Variants in EPHA6 observed in about 807,000 individuals in gnomAD.
EPHA6 encodes ephrin type-A receptor 6.
EPHA6 carries 50 observed loss-of-function variants against 112.0 expected under a neutral mutation model. The ratio of observed to expected loss-of-function variants is 0.45; its 90% CI spans 0.36 to 0.56. The LOEUF is 0.56. EPHA6 is among the 20% of genes least tolerant of loss of function. The pLI, the probability that EPHA6 is intolerant of heterozygous loss-of-function variation, is 0.00. For synonymous variants in EPHA6, 529 were observed against 490.7 expected (o/e 1.08, Z -1.03); for missense variants, 1,280 against 1,417.4 (o/e 0.90, Z 1.56).
Position 97,355,297 on chromosome 3 carries a change from AT to A in EPHA6, c.1607-49851del, listed in dbSNP as rs573633320. On this transcript the variant is annotated intron_variant, in intron 5 of 17. Transcript: ENST00000389672. ...AAAGATGAACCCATCAAATATAATA[AT>A]TACAAAAATTTGAAGACCTAGACAA... Among the ~76,000 whole-genome samples the A allele has an allele frequency of 2.6e-4, 39 of 152,314 alleles. No homozygotes were observed. The East Asian group carries it at 7.3e-3, about 29-fold the overall frequency.
At chr3:97,075,344 T>G (rs767601255) in intron 3 of EPHA6, among the ~76,000 whole-genome samples, 1 of 152,052 alleles carries the variant, frequency 6.6e-6, no homozygotes, top group Non-Finnish European at 1.5e-5. Flanking sequence ...TGTTCCAGAA[T>G]TTTTCCAATT....
intron 10 of EPHA6, among the ~76,000 whole-genome samples, chr3:97,509,137 T>A (rs972189631): frequency 1.3e-5 from 2 of 151,642 alleles, no homozygotes; most frequent in African/African-American, 4.8e-5. Flanking sequence ...GATTCTTTAT[T>A]CTGTTTGCCT....
intron 7 of EPHA6, among the ~76,000 whole-genome samples, chr3:97,458,067 CAAAAAAAAA>C (rs68128372): frequency 2.0e-5 from 1 of 50,576 alleles, no homozygotes; most frequent in African/African-American, 9.0e-5. Flanking sequence ...GACTCCGTCT[CAAAAAAAAA>C]AAAAAAAAAA....
Position 96,989,614 on chromosome 3 carries a change from A to T in EPHA6, c.1114+1621A>T, listed in dbSNP as rs79971162. Among the ~76,000 whole-genome samples, 3 of 152,270 alleles carry T rather than the reference A, an allele frequency of 2.0e-5. No individual in the cohort carries two copies. In the East Asian group the frequency reaches 5.8e-4, roughly 29 times the overall value. ...TGAAGGAAAGAGTTTTAAATGGCTC[A>T]CACTTCCACAGGCTTAACAGGAAGC... On this transcript the variant is annotated intron_variant, in intron 3 of 17. Transcript: ENST00000389672.
rs6791804 is a variant in EPHA6, at chr3:97,629,523, C to A, written c.2575-8350C>A. On this transcript the variant is annotated intron_variant, in intron 13 of 17. Transcript: ENST00000389672. ...CTTTAAACACTGTATTAACTGATAC[C>A]ATGAAATTATAATTTATAATTCTCA... 9.8e-3 allele frequency among the ~76,000 whole-genome samples: 1,496 copies of A among 151,884 alleles called. 21 individuals are homozygous for A. The highest frequency in any genetic ancestry group is 0.034 in the African/African-American group (1,423 of 41,454).
At chr3:97,280,930 T>C (rs529927756) in intron 5 of EPHA6, among the ~76,000 whole-genome samples, 1 of 152,308 alleles carries the variant, frequency 6.6e-6, no homozygotes, top group East Asian at 1.9e-4. Context: ...GCAGGTGATG[T>C]GGTCTATATT....
intron 11 of EPHA6, among the ~76,000 whole-genome samples, chr3:97,542,073 C>T (rs1288261884): frequency 6.8e-6 from 1 of 147,922 alleles, no homozygotes; most frequent in Non-Finnish European, 1.5e-5. Context: ...CTAGGCCTGT[C>T]TTGTCGCTTC....
Position 97,473,849 on chromosome 3 carries a change from G to A in EPHA6, c.1895-1503G>A, listed in dbSNP as rs200054220. ...TGGATAAGATGCAACTATTTAACTT[G>A]TCTCTGCACAGATTATGAGTGAAAA... On this transcript the variant is annotated intron_variant, in intron 7 of 17. Transcript: ENST00000389672. Among the ~76,000 whole-genome samples the A allele has an allele frequency of 2.6e-5, 4 of 151,732 alleles. No individual in the cohort carries two copies. The East Asian group carries it at 7.7e-4, about 29-fold the overall frequency.
intron 5 of EPHA6, among the ~76,000 whole-genome samples, chr3:97,341,379 G>A (rs535209718): frequency 3.3e-5 from 5 of 151,076 alleles, no homozygotes; most frequent in South Asian, 2.1e-4. Context: ...TTTTTCAGAC[G>A]GAGTCTTGCT....
At chr3:97,690,894 G>T (rs1415896221) in intron 14 of EPHA6, among the ~76,000 whole-genome samples, 1 of 151,972 alleles carries the variant, frequency 6.6e-6, no homozygotes, top group African/African-American at 2.4e-5. Context: ...CCATTCTATT[G>T]GTTATTATTT....
At chr3:97,534,589 G>GA (rs537372100) in intron 11 of EPHA6, among the ~76,000 whole-genome samples, 1 of 151,220 alleles carries the variant, frequency 6.6e-6, no homozygotes, top group African/African-American at 2.4e-5. Flanking sequence ...TTCAGAATAG[G>GA]AAAAAAATAT....
chr3:97,544,604 A>C (rs568750635), intron 11 of EPHA6, among the ~76,000 whole-genome samples: 1 of 152,206 alleles, frequency 6.6e-6, no homozygotes, highest in African/African-American at 2.4e-5. Context: ...ATGCTGGCCC[A>C]TAAAATGAGT....
chr3:97,301,593 C>G (rs752227181), intron 5 of EPHA6, among the ~76,000 whole-genome samples: 58 of 152,038 alleles, frequency 3.8e-4, no homozygotes, highest in Non-Finnish European at 6.9e-4. Context: ...GGTTTCAAAC[C>G]CAGGCCATCA....
At chr3:97,228,868 C>T (rs1320753816) in intron 4 of EPHA6, among the ~76,000 whole-genome samples, 1 of 152,158 alleles carries the variant, frequency 6.6e-6, no homozygotes, top group Non-Finnish European at 1.5e-5. Flanking sequence ...TTCACCACAT[C>T]CACATCAACA....
intron 3 of EPHA6, among the ~76,000 whole-genome samples, chr3:97,025,049 T>C (rs1268626621): frequency 2.0e-5 from 3 of 152,170 alleles, no homozygotes; most frequent in African/African-American, 7.2e-5. Context: ...AGGCTCTGGA[T>C]TTCAGATTGA....
intron 10 of EPHA6, among the ~76,000 whole-genome samples, chr3:97,507,526 G>C (rs2092279245): frequency 6.6e-6 from 1 of 152,126 alleles, no homozygotes; most frequent in Non-Finnish European, 1.5e-5. Flanking sequence ...ACTTAATCGT[G>C]GTGGATAAGC....
chr3:97,407,129 G>T (rs1305572626), intron 6 of EPHA6, among the ~76,000 whole-genome samples: 3 of 151,944 alleles, frequency 2.0e-5, no homozygotes, highest in Non-Finnish European at 4.4e-5. Flanking sequence ...AAATCATACA[G>T]ATGTAATAGA....
rs72931345 is a variant in EPHA6, at chr3:96,826,599, C to T, written c.385+11591C>T. On this transcript the variant is annotated intron_variant, in intron 1 of 17. Transcript: ENST00000389672. ...GCTAAGGTAGGGGATATTTTATGTGCATTGGCTATTTTCCATGTCTTTCTA... is the reference window on the plus strand; with the variant it reads ...GCTAAGGTAGGGGATATTTTATGTGTATTGGCTATTTTCCATGTCTTTCTA... Among the ~76,000 whole-genome samples, 1,253 of 152,134 alleles carry T rather than the reference C, an allele frequency of 8.2e-3. 16 individuals are homozygous for T. The highest frequency in any genetic ancestry group is 0.023 in the African/African-American group (938 of 41,522).
At chr3:97,242,359 A>G (rs2078871704) in intron 4 of EPHA6, among the ~76,000 whole-genome samples, 1 of 151,802 alleles carries the variant, frequency 6.6e-6, no homozygotes, top group East Asian at 1.9e-4. Flanking sequence ...AGAATGGCAT[A>G]CTTTCTATTC....
Sources: gnomAD v4.1 joint callset for allele counts (sites outside exome capture counted in the v4.1 genomes callset) on GRCh38, gnomAD v4.1.1 for gene constraint, MANE v1.5 for transcripts, NCBI Gene and HGNC (gene_info 2026-07-23, HGNC 2026-07-21) for gene names.